LMAN2L: variants seen among roughly 807,000 people sequenced by gnomAD.
LMAN2L encodes VIP36-like protein.
Under a neutral mutation model 44.3 loss-of-function variants are expected in LMAN2L, and 30 were observed. The ratio of observed to expected loss-of-function variants is 0.68; its 90% CI spans 0.51 to 0.92. The LOEUF (loss-of-function observed/expected upper bound fraction) is 0.92. LMAN2L is among the 40% of genes least tolerant of loss of function. The pLI is 0.00. For synonymous variants in LMAN2L, 183 were observed against 171.1 expected (o/e 1.07, Z -0.54); for missense variants, 429 against 446.1 (o/e 0.96, Z 0.35).
At chr2:96,708,639 C>A (rs939804014) in intron 6 of LMAN2L, among the ~76,000 whole-genome samples, 1 of 151,876 alleles carries the variant, frequency 6.6e-6, no homozygotes, top group Non-Finnish European at 1.5e-5. Flanking sequence ...AGACCACACA[C>A]GTGCACACAC....
At chr2:96,707,465 T>C (rs899564872) in intron 7 of LMAN2L, 67 bp from the exon 8 acceptor site, 4 of 1,513,112 alleles carry the variant, frequency 2.6e-6, no homozygotes, top group African/African-American at 2.8e-5. Context: ...GATCAAACTA[T>C]AGGCTGTCCG....
intron 4 of LMAN2L, among the ~76,000 whole-genome samples, chr2:96,728,830 C>CCACTG (rs1411749903): frequency 4.6e-5 from 7 of 151,828 alleles, no homozygotes; most frequent in African/African-American, 1.5e-4. Flanking sequence ...CGAGATCATG[C>CCACTG]CACTGCACTC....
chr2:96,736,727 A>T (rs902419593), intron 2 of LMAN2L, among the ~76,000 whole-genome samples: 1 of 152,194 alleles, frequency 6.6e-6, no homozygotes, highest in Non-Finnish European at 1.5e-5. Flanking sequence ...TCAGATAGAG[A>T]AACAGAACTA....
chr2:96,718,447 T>C (rs1311036190), intron 4 of LMAN2L, among the ~76,000 whole-genome samples: 1 of 152,218 alleles, frequency 6.6e-6, no homozygotes, highest in Non-Finnish European at 1.5e-5. Context: ...TTAAAGATGT[T>C]TGTACGCTTT....
intron 6 of LMAN2L, 43 bp downstream of exon 6, chr2:96,711,608 TGAGAA>T: frequency 7.9e-7 from 1 of 1,266,122 alleles, no homozygotes; most frequent in African/African-American, 1.5e-5. Context: ...GTGTGGGTAT[TGAGAA>T]GAGGCCTCAG....
intron 4 of LMAN2L, among the ~76,000 whole-genome samples, chr2:96,722,222 C>T (rs921692847): frequency 1.3e-5 from 2 of 152,134 alleles, no homozygotes; most frequent in Non-Finnish European, 2.9e-5. Context: ...CCCACCTTGG[C>T]CTCCCAAAGT....
intron 4 of LMAN2L, among the ~76,000 whole-genome samples, chr2:96,726,132 A>G (rs2153330158): frequency 6.6e-6 from 1 of 151,612 alleles, no homozygotes; most frequent in South Asian, 2.1e-4. Flanking sequence ...ACTCCGTCTC[A>G]AAAAAGAAAA....
intron 4 of LMAN2L, among the ~76,000 whole-genome samples, chr2:96,720,229 G>A (rs1439383214): frequency 6.6e-6 from 1 of 152,020 alleles, no homozygotes; most frequent in Non-Finnish European, 1.5e-5. Flanking sequence ...CCTCCCCAGG[G>A]GTGAGGCCCA....
At chr2:96,713,156 G>C in intron 4 of LMAN2L, 1 of 1,550,844 alleles carries the variant, frequency 6.4e-7, no homozygotes, top group African/African-American at 1.4e-5. Flanking sequence ...GGGTCCAGCA[G>C]GTTATGATAA....
chr2:96,734,795 G>A (rs1436722363), intron 2 of LMAN2L: 2 of 427,222 alleles, frequency 4.7e-6, no homozygotes, highest in Non-Finnish European at 8.6e-6. Context: ...CTCCAAAGTT[G>A]GAAAAGACAA....
At chr2:96,737,804 C>T in intron 2 of LMAN2L, 145 bp downstream of exon 2, 1 of 614,398 alleles carries the variant, frequency 1.6e-6, no homozygotes, top group Non-Finnish European at 3.0e-6. Flanking sequence ...TTATCAAGGT[C>T]AGAATAATCT....
chr2:96,715,427 G>A (rs1051227404), intron 4 of LMAN2L, among the ~76,000 whole-genome samples: 3 of 152,130 alleles, frequency 2.0e-5, no homozygotes, highest in African/African-American at 4.8e-5. Context: ...TATTTTCTAC[G>A]CCTAGTCAAG....
chr2:96,730,707 C>T (rs763591463), intron 4 of LMAN2L, among the ~76,000 whole-genome samples: 1 of 152,006 alleles, frequency 6.6e-6, no homozygotes, highest in South Asian at 2.1e-4. Flanking sequence ...GAGTTTCACT[C>T]TGTCGCCCAG....
At chr2:96,731,851 G>A (rs920124300) in intron 4 of LMAN2L, among the ~76,000 whole-genome samples, 1 of 151,216 alleles carries the variant, frequency 6.6e-6, no homozygotes, top group Admixed American at 6.6e-5. Flanking sequence ...CTGGGTTCAA[G>A]CCATTCTCCT....
intron 6 of LMAN2L, 93 bp from the exon 7 acceptor site, chr2:96,707,926 G>T: frequency 7.6e-7 from 1 of 1,316,148 alleles, no homozygotes. Context: ...CTGATCCACA[G>T]CTAACCAGCA....
intron 4 of LMAN2L, among the ~76,000 whole-genome samples, chr2:96,730,477 C>T (rs1039145441): frequency 2.0e-5 from 3 of 152,036 alleles, no homozygotes; most frequent in Admixed American, 6.6e-5. Flanking sequence ...AACAGTTCAG[C>T]CACCAACCAC....
chr2:96,734,356 C>G, intron 3 of LMAN2L, 53 bp downstream of exon 3: 1 of 1,070,770 alleles, frequency 9.3e-7, no homozygotes, highest in Middle Eastern at 2.1e-4. Context: ...AAAGAGGGCA[C>G]ATGAAAAATC....
intron 6 of LMAN2L, among the ~76,000 whole-genome samples, chr2:96,708,710 A>T (rs1044685677): frequency 6.6e-6 from 1 of 152,108 alleles, no homozygotes; most frequent in Non-Finnish European, 1.5e-5. Flanking sequence ...GGCAGGGCAC[A>T]GCTATGGGCA....
chr2:96,710,854 A>G (rs565283358), intron 6 of LMAN2L, among the ~76,000 whole-genome samples: 2 of 152,292 alleles, frequency 1.3e-5, no homozygotes, highest in South Asian at 4.1e-4. Flanking sequence ...AGAACAAATT[A>G]TATTAATCAA....
Sources: gnomAD v4.1 joint callset for allele counts (sites outside exome capture counted in the v4.1 genomes callset) on GRCh38, gnomAD v4.1.1 for gene constraint, MANE v1.5 for transcripts, NCBI Gene and HGNC (gene_info 2026-07-23, HGNC 2026-07-21) for gene names.